The following DYNC2H1 variants were observed in gnomAD, a reference collection of about 807,000 sequenced individuals.
The protein encoded by DYNC2H1 is cytoplasmic dynein 2 heavy chain 1.
DYNC2H1 carries 410 observed loss-of-function variants against 570.0 expected under a neutral mutation model. The observed-to-expected ratio is 0.72, with a 90% confidence interval of 0.66 to 0.78. The LOEUF is 0.78. Among genes scored for constraint, DYNC2H1 ranks in the 30% least tolerant of loss-of-function variants. The probability of loss-of-function intolerance (pLI) is 0.00; values close to 1 mark genes in which losing one functional copy is unlikely to be tolerated. For synonymous variants in DYNC2H1, 1,688 were observed against 1,677.6 expected, an observed-to-expected ratio of 1.01 and a Z score of -0.15; for missense variants, 4,865 against 5,046.4, an observed-to-expected ratio of 0.96 and a Z score of 1.09.
At chr11:103,233,588 C>T (rs1864097997) in intron 60 of DYNC2H1, among the ~76,000 whole-genome samples, 1 of 151,594 alleles carries the variant, frequency 6.6e-6, no homozygotes, top group Admixed American at 6.6e-5. Flanking sequence ...ATACTCTAGG[C>T]AAATGGAACA....
At chr11:103,297,435 G>T (rs966596533) in intron 75 of DYNC2H1, among the ~76,000 whole-genome samples, 1 of 152,172 alleles carries the variant, frequency 6.6e-6, no homozygotes, top group Admixed American at 6.5e-5. Flanking sequence ...TAAGAAATGT[G>T]TCAGGCAGTT....
At position 103,311,943 on chromosome 11, in the gene DYNC2H1, C is replaced by CA; in HGVS notation, c.11565dup (p.Asp3856ArgfsTer2). On this transcript the variant is annotated frameshift_variant, in exon 79 of 89. Coordinates refer to ENST00000375735, the MANE Select transcript of DYNC2H1 (RefSeq NM_001377.3). LOFTEE classifies it high-confidence loss of function. ...AGTCTTGGACTCCTGAGCAAATTAG[C>CA]AAAAAAGATAATACACATCGAGCTC... is the stretch of plus-strand genomic sequence containing the variant. 3.7e-6 allele frequency: 6 copies of CA among 1,613,358 alleles called. No individual in the cohort carries two copies. Among genetic ancestry groups the CA allele is most frequent in the Non-Finnish European group, 5.1e-6 (6 of 1,179,674 alleles).
intron 34 of DYNC2H1, 22 bp from the exon 35 acceptor site, chr11:103,173,060 A>C: frequency 8.7e-7 from 1 of 1,146,898 alleles, no homozygotes; most frequent in Non-Finnish European, 1.1e-6. Flanking sequence ...ATTTAAATTA[A>C]TATTTTTAAT....
intron 83 of DYNC2H1, among the ~76,000 whole-genome samples, chr11:103,376,270 G>A (rs1182138061): frequency 6.6e-6 from 1 of 152,116 alleles, no homozygotes; most frequent in African/African-American, 2.4e-5. Context: ...ATTCCTTATA[G>A]CAATGTGAGA....
intron 73 of DYNC2H1, among the ~76,000 whole-genome samples, chr11:103,285,977 T>A (rs1866336513): frequency 6.6e-6 from 1 of 152,120 alleles, no homozygotes; most frequent in Admixed American, 6.5e-5. Flanking sequence ...CTTCACAAGG[T>A]GGAGATAGCT....
At position 103,465,866 on chromosome 11, in the gene DYNC2H1, A is replaced by ACATTCTAT. The variant is rs1945180211; in HGVS notation, c.12649-2722_12649-2715dup. On this transcript the variant is annotated intron_variant, in intron 87 of 88. Transcript: ENST00000375735. This position sits in a 1 kb window ranked among gnomAD's most constrained non-coding sequence, Gnocchi z 4.9. ...TTCAGAAGTTGCTTAAAGTCCTACC[A>ACATTCTAT]CATTCTATTGGTCAAAGCAATTTAA... Among the ~76,000 whole-genome samples the ACATTCTAT allele has an allele frequency of 1.3e-5, 2 of 152,298 alleles. No homozygotes were observed.
At chr11:103,192,975 A>G (rs1862377338) in intron 47 of DYNC2H1, among the ~76,000 whole-genome samples, 1 of 152,204 alleles carries the variant, frequency 6.6e-6, no homozygotes, top group Admixed American at 6.5e-5. Context: ...ATTTTATACA[A>G]TTACTTTTAA....
At chr11:103,111,156 T>A (rs1227529104) in intron 1 of DYNC2H1, among the ~76,000 whole-genome samples, 1 of 152,232 alleles carries the variant, frequency 6.6e-6, no homozygotes, top group Non-Finnish European at 1.5e-5. Flanking sequence ...GATTGAATCA[T>A]TCACCCTATT....
intron 11 of DYNC2H1, among the ~76,000 whole-genome samples, chr11:103,123,576 G>A (rs1471810961): frequency 6.6e-6 from 1 of 152,092 alleles, no homozygotes; most frequent in Non-Finnish European, 1.5e-5. Flanking sequence ...ATGCCATTTA[G>A]CTCTTTTTCC....
Position 103,189,793 on chromosome 11 carries a change from T to C in DYNC2H1, c.7414T>C (p.Ser2472Pro), listed in dbSNP as rs752287365. Residue 2472 changes from serine to proline, a missense_variant, in exon 45 of 89, where the codon TCT (serine) becomes CCT (proline). By Grantham distance (74) the Ser-to-Pro change is moderately conservative. Around this residue, in one of 5 missense-constraint regions of DYNC2H1, gnomAD observed 2,401 missense variants for 2,454.6 expected, o/e 0.98. Coordinates refer to ENST00000375735, the MANE Select transcript of DYNC2H1 (RefSeq NM_001377.3). This position sits in a 1 kb window ranked among gnomAD's most constrained non-coding sequence, Gnocchi z 4.3. The stretch of plus-strand genomic sequence containing the variant: ...ATCAAAAATTTATCTTTTAGCAGGA[T>C]CTATGGTACAAGTGTATGAACAGGT... ...SSSKIYLLAG[S>P]MVQVYEQVRA... 1 of 1,610,816 alleles carries C rather than the reference T, an allele frequency of 6.2e-7. No homozygotes were observed. Among genetic ancestry groups the C allele is most frequent in the Non-Finnish European group, 8.5e-7 (1 of 1,178,982 alleles).
At position 103,249,192 on chromosome 11, in the gene DYNC2H1, CT is replaced by C. The variant is rs1244832565; in HGVS notation, c.10042+3824del. Reference sequence around the variant, plus strand: ...AAGAGATGAGACAACACTGAAGAGTCTTTTTTAGACAATAAAATATTTATTT... The same window carrying C: ...AAGAGATGAGACAACACTGAAGAGTCTTTTTAGACAATAAAATATTTATTT... On this transcript the variant is annotated intron_variant, in intron 65 of 88. Transcript: ENST00000375735. This position sits in a 1 kb window ranked among gnomAD's most constrained non-coding sequence, Gnocchi z 4.6. Among the ~76,000 whole-genome samples the C allele has an allele frequency of 2.0e-5, 3 of 151,788 alleles. No homozygotes were observed. Among genetic ancestry groups the C allele is most frequent in the Non-Finnish European group, 4.4e-5 (3 of 67,892 alleles).
intron 83 of DYNC2H1, among the ~76,000 whole-genome samples, chr11:103,397,960 CT>C (rs1942466266): frequency 6.6e-6 from 1 of 152,180 alleles, no homozygotes; most frequent in Non-Finnish European, 1.5e-5. Flanking sequence ...TAAATGGAAT[CT>C]TGCTTCAATG....
rs1414194749 is a variant in DYNC2H1, at chr11:103,185,768, GA to G, written c.6634-472del. 6.6e-6 allele frequency among the ~76,000 whole-genome samples: 1 copy of G among 151,792 alleles called. No individual in the cohort carries two copies. Among genetic ancestry groups the G allele is most frequent in the Non-Finnish European group, 1.5e-5 (1 of 67,902 alleles). ...GCACATACTCTCTTGTCAAAGTTCC[GA>G]ATAAATGTATTGAAGAATAGTATTA... On this transcript the variant is annotated intron_variant, in intron 41 of 88. Transcript: ENST00000375735. This position sits in a 1 kb window ranked among gnomAD's most constrained non-coding sequence, Gnocchi z 4.5.
intron 17 of DYNC2H1, among the ~76,000 whole-genome samples, chr11:103,142,895 A>G (rs1184178402): frequency 6.6e-6 from 1 of 152,204 alleles, no homozygotes; most frequent in Non-Finnish European, 1.5e-5. Context: ...CTTAACTGCC[A>G]CTGCAATACT....
rs1286227095 is a variant in DYNC2H1, at chr11:103,121,365, T to G, written c.1361-7T>G. The G allele has an allele frequency of 6.3e-7, 1 of 1,588,722 alleles. No individual in the cohort carries two copies. The highest frequency in any genetic ancestry group is 8.6e-7 in the Non-Finnish European group (1 of 1,168,468). On this transcript the variant is annotated splice_polypyrimidine_tract_variant and splice_region_variant and intron_variant, in intron 9 of 88. Transcript: ENST00000375735. ...TTGTAATCATTTATTTGATTTAAAT[T>G]TTATAGATTTTCGATTAGACTTTGA...
At position 103,255,434 on chromosome 11, in the gene DYNC2H1, A is replaced by G. The variant is rs1204280624; in HGVS notation, c.10226A>G (p.Gln3409Arg). ...CCCAAGCTTTTAGCTTTAACCATTC[A>G]GCATGAGAAACCTGATTTAGAAGAA... ...LRGQLLALTI[Q>R]HEKPDLEEQK... is the part of the protein sequence containing the mutation. Residue 3409 changes from glutamine (Q) to arginine (R), a missense_variant, in exon 67 of 89, where the codon CAG becomes CGG. Physicochemically the swap from Gln to Arg is conservative, Grantham distance 43. Coordinates refer to ENST00000375735, the MANE Select transcript of DYNC2H1 (RefSeq NM_001377.3). The G allele has an allele frequency of 3.8e-6, 6 of 1,564,500 alleles. No homozygotes were observed. The highest frequency in any genetic ancestry group is 5.2e-6 in the Non-Finnish European group (6 of 1,153,664).
chr11:103,265,333 T>TA (rs1004827148), intron 70 of DYNC2H1, among the ~76,000 whole-genome samples: 2 of 152,192 alleles, frequency 1.3e-5, no homozygotes, highest in African/African-American at 4.8e-5. Context: ...AACTATGTAA[T>TA]AAACCTGCAC....
In DYNC2H1 at chr11:103,153,592, T is replaced by G. The variant is rs553473328; in HGVS notation, c.3302+84T>G. ...GCTAGTAATTTTCTTATGTCTGTTA[T>G]CTTGATAACTTTCCTCATAAACTTC... is the stretch of plus-strand genomic sequence containing the variant. On this transcript the variant is annotated intron_variant, in intron 22 of 88. Coordinates refer to ENST00000375735, the MANE Select transcript of DYNC2H1 (RefSeq NM_001377.3). 2.5e-6 allele frequency: 3 copies of G among 1,195,764 alleles called. No individual in the cohort carries two copies. In the South Asian group the frequency reaches 4.4e-5, roughly 18 times the overall value. 74.1% of individuals were successfully genotyped at this position (1,195,764 alleles called of 1,614,324 possible).
At chr11:103,347,338 C>A (rs1939792808) in intron 82 of DYNC2H1, among the ~76,000 whole-genome samples, 1 of 152,056 alleles carries the variant, frequency 6.6e-6, no homozygotes, top group Non-Finnish European at 1.5e-5. Flanking sequence ...TTGAGACTGT[C>A]AGAGAAATTT....
Sources: gnomAD v4.1 joint callset for allele counts (sites outside exome capture counted in the v4.1 genomes callset) on GRCh38, gnomAD v4.1.1 for gene constraint, gnomAD v4.1.1 regional missense constraint, Gnocchi (gnomAD v3.1) non-coding constraint, MANE v1.5 for transcripts, NCBI Gene and HGNC (gene_info 2026-07-23, HGNC 2026-07-21) for gene names.